The following PAK6 variants were observed in gnomAD, a reference collection of about 807,000 sequenced individuals.
The protein encoded by PAK6 is p21 (RAC1) activated kinase 6, also known as serine/threonine-protein kinase PAK 6.
PAK6 carries 33 observed loss-of-function variants against 60.8 expected under a neutral mutation model. That is an observed-to-expected ratio of 0.54 (90% CI 0.41 to 0.73). The LOEUF is 0.73. PAK6 is among the 30% of genes least tolerant of loss of function. PAK6 has a pLI of 0.00. For synonymous variants in PAK6, 404 were observed against 378.5 expected, an observed-to-expected ratio of 1.07 and a Z score of -0.78; for missense variants, 845 against 904.1, an observed-to-expected ratio of 0.93 and a Z score of 0.84.
intron 2 of PAK6, among the ~76,000 whole-genome samples, chr15:40,242,426 C>T (rs756410013): frequency 2.6e-5 from 4 of 152,210 alleles, no homozygotes; most frequent in Non-Finnish European, 5.9e-5. Context: ...AGCAGGAAGG[C>T]CCAGGCTGCG....
At chr15:40,264,437 TGACA>T in intron 3 of PAK6, 1 of 481,516 alleles carries the variant, frequency 2.1e-6, no homozygotes, top group Admixed American at 2.3e-5. Flanking sequence ...TAAAATTCGT[TGACA>T]GACAGTGGAA....
intron 3 of PAK6, among the ~76,000 whole-genome samples, chr15:40,254,507 G>C (rs937995517): frequency 1.9e-4 from 29 of 152,320 alleles, no homozygotes; most frequent in African/African-American, 6.5e-4. Context: ...ATCAGAAACA[G>C]CAGCGCCCCC....
At position 40,265,534 on chromosome 15, in the gene PAK6, C is replaced by T. The variant is rs373033906; in HGVS notation, c.205-308C>T. On this transcript the variant is annotated intron_variant, in intron 4 of 10. Coordinates refer to ENST00000560346, the Ensembl canonical transcript of PAK6. ...TGGAGCTAGAGAATGGAGCCCCGCC[C>T]CCTGAGCTCCAGCTCCCTGGCCCAG... is the stretch of plus-strand genomic sequence containing the variant. 4.3e-4 allele frequency among the ~76,000 whole-genome samples: 65 copies of T among 152,216 alleles called. 1 individual carries two copies. Among genetic ancestry groups the T allele is most frequent in the African/African-American group, 1.5e-3 (63 of 41,554 alleles).
At chr15:40,242,679 G>T (rs2038388309) in intron 2 of PAK6, among the ~76,000 whole-genome samples, 1 of 152,196 alleles carries the variant, frequency 6.6e-6, no homozygotes, top group African/African-American at 2.4e-5. Context: ...CGAGCAGTCT[G>T]CCTGGGCCTG....
At chr15:40,268,527 A>G (rs937343418) in intron 5 of PAK6, among the ~76,000 whole-genome samples, 1 of 152,246 alleles carries the variant, frequency 6.6e-6, no homozygotes, top group African/African-American at 2.4e-5. Context: ...AGGAGTCCCC[A>G]GATCAAGCCA....
exon 7 of PAK6, chr15:40,272,880 G>C (rs779934685): frequency 6.2e-7 from 1 of 1,613,864 alleles, no homozygotes; most frequent in Non-Finnish European, 8.5e-7. Context: ...TGATCATGCG[G>C]GACTACCAGC....
chr15:40,244,329 CAAA>C (rs371932572), intron 2 of PAK6, among the ~76,000 whole-genome samples: 13 of 110,666 alleles, frequency 1.2e-4, no homozygotes, highest in Admixed American at 1.9e-4. Context: ...GACTCTGTCT[CAAA>C]AAAAAAAAAA....
intron 2 of PAK6, among the ~76,000 whole-genome samples, chr15:40,247,649 G>A (rs931957906): frequency 2.0e-5 from 3 of 152,142 alleles, no homozygotes; most frequent in African/African-American, 7.2e-5. Flanking sequence ...GAGGCTCGAG[G>A]TTCTGCTGAG....
At position 40,276,114 on chromosome 15, in the gene PAK6, G is replaced by T. The variant is rs749353475; in HGVS notation, c.*20G>T. On this transcript the variant is annotated 3_prime_UTR_variant, in exon 11 of 11. Transcript: ENST00000560346. ...TGCTGAGCCCACCCCAAGTATGCCT[G>T]CCACCTACGCCCACAGGCAGGGCAC... 5.6e-6 allele frequency: 9 copies of T among 1,610,206 alleles called. No homozygotes were observed. The Middle Eastern group carries it at 9.9e-4, about 177-fold the overall frequency.
chr15:40,266,138 G>A (rs762584249), exon 5 of PAK6: 1 of 1,609,740 alleles, frequency 6.2e-7, no homozygotes, highest in South Asian at 1.1e-5. Flanking sequence ...AGAGCCCACG[G>A]GTCCTGCCCA....
At chr15:40,264,869 C>G in exon 4 of PAK6, 1 of 1,613,976 alleles carries the variant, frequency 6.2e-7, no homozygotes, top group South Asian at 1.1e-5. Flanking sequence ...CCTTCGACCC[C>G]AAAGAAGGCA....
At position 40,252,207 on chromosome 15, in the gene PAK6, G is replaced by T. The variant is rs1476617670; in HGVS notation, c.-117-971G>T. On this transcript the variant is annotated intron_variant, in intron 2 of 10. Transcript: ENST00000560346. ...GGGTGGGCACACGCGGCCCGCTCAG[G>T]TCCGGGAGAGTCGGCCCGCGGCTCT... is the stretch of plus-strand genomic sequence containing the variant. 7.0e-6 allele frequency: 8 copies of T among 1,140,406 alleles called. No individual in the cohort carries two copies. The African/African-American group carries it at 1.1e-4, about 16-fold the overall frequency. 70.6% of individuals were successfully genotyped at this position (1,140,406 alleles called of 1,614,324 possible).
intron 3 of PAK6, chr15:40,263,872 C>T (rs1343229901): frequency 2.2e-6 from 1 of 455,670 alleles, no homozygotes; most frequent in East Asian, 6.9e-5. Flanking sequence ...CCGCCTCGGC[C>T]TCCCAGAGTA....
chr15:40,265,232 A>C (rs2039089691), intron 4 of PAK6, among the ~76,000 whole-genome samples: 1 of 152,200 alleles, frequency 6.6e-6, no homozygotes, highest in Non-Finnish European at 1.5e-5. Flanking sequence ...AAAATGTGAG[A>C]TGCTCAATTG....
intron 3 of PAK6, among the ~76,000 whole-genome samples, chr15:40,257,455 G>A (rs1267067388): frequency 1.3e-5 from 2 of 152,232 alleles, no homozygotes; most frequent in African/African-American, 4.8e-5. Context: ...GGTCTGGAGG[G>A]TCAGGTGGGT....
At chr15:40,257,896 T>C (rs1219847522) in intron 3 of PAK6, among the ~76,000 whole-genome samples, 1 of 152,096 alleles carries the variant, frequency 6.6e-6, no homozygotes, top group Non-Finnish European at 1.5e-5. Context: ...TGTGGAACAG[T>C]AGCATCCGCC....
intron 10 of PAK6, among the ~76,000 whole-genome samples, chr15:40,275,584 G>A (rs936337933): frequency 4.6e-5 from 7 of 151,904 alleles, no homozygotes; most frequent in African/African-American, 9.7e-5. Flanking sequence ...TGCGCCCAGC[G>A]ACCTGTTTTT....
At chr15:40,242,453 C>A (rs989485479) in intron 2 of PAK6, among the ~76,000 whole-genome samples, 1 of 152,210 alleles carries the variant, frequency 6.6e-6, no homozygotes, top group Non-Finnish European at 1.5e-5. Context: ...GTGCCTGAGA[C>A]CTGAGCAGCA....
At chr15:40,276,414 G>A (rs776409357) in exon 11 of PAK6, 4 of 292,668 alleles carry the variant, frequency 1.4e-5, no homozygotes, top group African/African-American at 2.2e-5. Flanking sequence ...GGCTGCTGTG[G>A]TTTTTTAAAG....
Sources: allele counts gnomAD v4.1 joint callset (sites outside exome capture counted in the v4.1 genomes callset), GRCh38; gene constraint gnomAD v4.1.1; transcripts MANE v1.5; gene names NCBI Gene and HGNC (gene_info 2026-07-23, HGNC 2026-07-21).